The following PLPPR1 variants were observed in gnomAD, a reference collection of about 807,000 sequenced individuals.
PLPPR1 encodes the protein phospholipid phosphatase related 1.
A neutral mutation model predicts 33.1 loss-of-function variants in PLPPR1; 10 were observed. The ratio of observed to expected loss-of-function variants is 0.30; its 90% confidence interval spans 0.19 to 0.51. PLPPR1 has a LOEUF of 0.51. Ranked by LOEUF, PLPPR1 falls within the 20% of genes least tolerant of loss-of-function variation. The pLI, the probability that PLPPR1 is intolerant of heterozygous loss-of-function variation, is 0.97. For synonymous variants in PLPPR1, 151 were observed against 151.0 expected (o/e 1.00, Z 0.00); for missense variants, 304 against 408.1 (o/e 0.74, Z 2.20).
At chr9:101,092,321 A>T (rs1369339527) in intron 1 of PLPPR1, among the ~76,000 whole-genome samples, 2 of 152,068 alleles carry the variant, frequency 1.3e-5, no homozygotes, top group Non-Finnish European at 2.9e-5. Context: ...GTTGTTGTTT[A>T]TTTAACTATC....
intron 1 of PLPPR1, among the ~76,000 whole-genome samples, chr9:101,172,620 A>G (rs545215756): frequency 9.9e-5 from 15 of 152,160 alleles, no homozygotes; most frequent in African/African-American, 3.4e-4. Flanking sequence ...GCATGTGCTC[A>G]TCAGTACTCT....
chr9:101,282,112 G>A (rs976100390), intron 3 of PLPPR1, among the ~76,000 whole-genome samples: 22 of 152,032 alleles, frequency 1.4e-4, no homozygotes, highest in African/African-American at 4.8e-4. Flanking sequence ...GCCAGAGAAG[G>A]ACACAACAAC....
At chr9:101,107,923 C>G (rs535393628) in intron 1 of PLPPR1, among the ~76,000 whole-genome samples, 1 of 151,066 alleles carries the variant, frequency 6.6e-6, no homozygotes, top group Non-Finnish European at 1.5e-5. Flanking sequence ...CAGGTGCGTT[C>G]GTCACCCCTT....
intron 1 of PLPPR1, among the ~76,000 whole-genome samples, chr9:101,163,709 T>G (rs763421328): frequency 9.9e-5 from 15 of 152,182 alleles, no homozygotes; most frequent in Non-Finnish European, 2.1e-4. Context: ...GACAAATGGA[T>G]GAGAACACTG....
At chr9:101,206,944 T>C (rs906842893) in intron 2 of PLPPR1, among the ~76,000 whole-genome samples, 2 of 152,106 alleles carry the variant, frequency 1.3e-5, no homozygotes, top group Admixed American at 1.3e-4. Context: ...ATATAACCCC[T>C]GGCACTGAAA....
At chr9:101,208,116 A>T (rs547998740) in intron 2 of PLPPR1, among the ~76,000 whole-genome samples, 17 of 152,272 alleles carry the variant, frequency 1.1e-4, no homozygotes, top group Admixed American at 1.1e-3. Flanking sequence ...TCTCACTACT[A>T]CCTGTTACCT....
intron 2 of PLPPR1, among the ~76,000 whole-genome samples, chr9:101,232,807 A>G (rs1381258700): frequency 6.6e-6 from 1 of 152,000 alleles, no homozygotes; most frequent in East Asian, 1.9e-4. Flanking sequence ...AGTTTCCTCA[A>G]TCAGTAAAAT....
intron 2 of PLPPR1, among the ~76,000 whole-genome samples, chr9:101,204,284 T>A (rs1826549546): frequency 6.6e-6 from 1 of 152,182 alleles, no homozygotes; most frequent in South Asian, 2.1e-4. Flanking sequence ...CCTAGAGGAC[T>A]TTATGTCACA....
chr9:101,259,484 A>G (rs1827858282), intron 2 of PLPPR1, among the ~76,000 whole-genome samples: 1 of 152,182 alleles, frequency 6.6e-6, no homozygotes, highest in African/African-American at 2.4e-5. Flanking sequence ...TGCTGTTTTG[A>G]AAACTGGGAA....
chr9:101,224,139 A>G (rs1468701560), intron 2 of PLPPR1, among the ~76,000 whole-genome samples: 2 of 152,156 alleles, frequency 1.3e-5, no homozygotes, highest in African/African-American at 2.4e-5. Context: ...CCACTGTGCC[A>G]TAGTCTCTGG....
At chr9:101,296,071 T>C (rs1268877827) in intron 4 of PLPPR1, among the ~76,000 whole-genome samples, 14 of 151,908 alleles carry the variant, frequency 9.2e-5, no homozygotes, top group African/African-American at 3.4e-4. Flanking sequence ...AGGGCTAATA[T>C]CCAGAATCTA....
At chr9:101,057,891 T>G (rs972387423) in intron 1 of PLPPR1, among the ~76,000 whole-genome samples, 3 of 152,148 alleles carry the variant, frequency 2.0e-5, no homozygotes, top group Non-Finnish European at 4.4e-5. Flanking sequence ...CTAGACAGGC[T>G]GTTAGTTTCT....
intron 1 of PLPPR1, among the ~76,000 whole-genome samples, chr9:101,046,585 G>A (rs1012525206): frequency 3.3e-5 from 5 of 151,696 alleles, no homozygotes; most frequent in East Asian, 2.0e-4. Flanking sequence ...GACTACCTGC[G>A]TCTGCCACCA....
At chr9:101,110,486 A>G (rs1831042480) in intron 1 of PLPPR1, among the ~76,000 whole-genome samples, 2 of 152,192 alleles carry the variant, frequency 1.3e-5, no homozygotes, top group South Asian at 4.1e-4. Context: ...TGCAAAATAC[A>G]CGTAGAAGAA....
At chr9:101,147,291 A>T (rs1276249332) in intron 1 of PLPPR1, among the ~76,000 whole-genome samples, 1 of 152,086 alleles carries the variant, frequency 6.6e-6, no homozygotes, top group Non-Finnish European at 1.5e-5. Context: ...TGTGAGAATT[A>T]CCCATTTTCT....
At chr9:101,135,428 T>C (rs1178866656) in intron 1 of PLPPR1, among the ~76,000 whole-genome samples, 3 of 152,236 alleles carry the variant, frequency 2.0e-5, no homozygotes, top group African/African-American at 7.2e-5. Context: ...AACTCCTCTC[T>C]TAAGGGTCTC....
At chr9:101,323,834 C>G (rs1415655384) in intron 7 of PLPPR1, among the ~76,000 whole-genome samples, 191 bp from the exon 8 acceptor site, 1 of 151,906 alleles carries the variant, frequency 6.6e-6, no homozygotes, top group Non-Finnish European at 1.5e-5. Flanking sequence ...TGTGAAACTC[C>G]GTCTCAAAAA....
intron 6 of PLPPR1, among the ~76,000 whole-genome samples, chr9:101,316,156 C>G (rs116366045): frequency 0.036 from 5,515 of 152,112 alleles, 347 homozygotes; most frequent in African/African-American, 0.12. Flanking sequence ...GTGTAGGGTC[C>G]TCGGGCGCGG....
chr9:101,190,455 T>A (rs185331418), intron 2 of PLPPR1, among the ~76,000 whole-genome samples: 7 of 152,272 alleles, frequency 4.6e-5, no homozygotes, highest in African/African-American at 1.7e-4. Flanking sequence ...GAAATGTGTG[T>A]GACAGATCCA....
Sources: allele counts gnomAD v4.1 joint callset (sites outside exome capture counted in the v4.1 genomes callset), GRCh38; gene constraint gnomAD v4.1.1; transcripts MANE v1.5; gene names NCBI Gene and HGNC (gene_info 2026-07-23, HGNC 2026-07-21).